The following SLC8A1 variants were observed in gnomAD, a reference collection of about 807,000 sequenced individuals.
SLC8A1 encodes solute carrier family 8 member A1, also known as sodium/calcium exchanger 1.
A neutral mutation model predicts 68.3 loss-of-function variants in SLC8A1; 18 were observed. The observed-to-expected ratio is 0.26, with a 90% CI of 0.18 to 0.39. The LOEUF (loss-of-function observed/expected upper bound fraction) is 0.39, where lower values mean the gene tolerates loss of function less well. Ranked by LOEUF, SLC8A1 falls within the 10% of genes least tolerant of loss-of-function variation. SLC8A1 has a pLI of 1.00. For missense variants in SLC8A1, 985 were observed against 1,156.7 expected (o/e 0.85, Z 2.15); for synonymous variants, 475 against 415.5 (o/e 1.14, Z -1.74).
At chr2:40,385,168 C>T (rs1021478480) in intron 2 of SLC8A1, among the ~76,000 whole-genome samples, 1 of 151,926 alleles carries the variant, frequency 6.6e-6, no homozygotes, top group Non-Finnish European at 1.5e-5. Flanking sequence ...TTGCTATCAC[C>T]TTTTTAAGAG....
chr2:40,209,007 ACTGTT>A (rs1404334758), intron 2 of SLC8A1: 1 of 152,150 alleles, frequency 6.6e-6, no homozygotes, highest in Non-Finnish European at 1.5e-5. Flanking sequence ...TATGCCAGAC[ACTGTT>A]CTGAGAACTA....
chr2:40,238,117 C>T (rs2060663800), intron 2 of SLC8A1, among the ~76,000 whole-genome samples: 1 of 152,250 alleles, frequency 6.6e-6, no homozygotes, highest in African/African-American at 2.4e-5. Flanking sequence ...CCTCCTTGAG[C>T]TGTGGTGGAC....
chr2:40,188,792 CCT>C (rs914865471), intron 2 of SLC8A1, among the ~76,000 whole-genome samples: 1 of 152,140 alleles, frequency 6.6e-6, no homozygotes, highest in African/African-American at 2.4e-5. Flanking sequence ...TCCCTCCTTC[CCT>C]CTCTGTGTCC....
At chr2:40,164,983 G>T (rs148845964) in exon 5 of SLC8A1, 17 of 1,613,692 alleles carry the variant, frequency 1.1e-5, no homozygotes, top group Non-Finnish European at 1.3e-5. Context: ...CATCATATTC[G>T]TCTGTGAAAC....
intron 2 of SLC8A1, among the ~76,000 whole-genome samples, chr2:40,348,988 T>A (rs1243377623): frequency 6.6e-6 from 1 of 152,188 alleles, no homozygotes; most frequent in Non-Finnish European, 1.5e-5. Context: ...TGGGCTTTTT[T>A]GAGAATCTGA....
At chr2:40,236,140 A>C (rs1457468647) in intron 2 of SLC8A1, among the ~76,000 whole-genome samples, 1 of 151,998 alleles carries the variant, frequency 6.6e-6, no homozygotes, top group Non-Finnish European at 1.5e-5. Context: ...GCTGAGTTCA[A>C]TTCCTGGGTA....
chr2:40,375,702 A>G (rs1024445291), intron 2 of SLC8A1, among the ~76,000 whole-genome samples: 1 of 152,120 alleles, frequency 6.6e-6, no homozygotes, highest in African/African-American at 2.4e-5. Flanking sequence ...CTTGACAACT[A>G]TATCAAGTTA....
At chr2:40,311,645 T>A (rs145014213) in intron 2 of SLC8A1, among the ~76,000 whole-genome samples, 23 of 152,248 alleles carry the variant, frequency 1.5e-4, no homozygotes, top group Admixed American at 1.2e-3. Flanking sequence ...GTATTGACAA[T>A]TGTATCCCCA....
In SLC8A1 at chr2:40,321,641, A is replaced by G. The variant is rs185774993; in HGVS notation, c.1808+106832T>C. On this transcript the variant is annotated intron_variant, in intron 2 of 7. Coordinates refer to ENST00000406785, the Ensembl canonical transcript of SLC8A1. ...CATCCTTCTTCACATGGTGGCATAAAGGAGAAGTGCCGAGTAAAAGCGGGA... is the reference window on the plus strand; with the variant it reads ...CATCCTTCTTCACATGGTGGCATAAGGGAGAAGTGCCGAGTAAAAGCGGGA... Among the ~76,000 whole-genome samples, 347 of 152,248 alleles carry G rather than the reference A, an allele frequency of 2.3e-3. 2 individuals are homozygous for G. The highest frequency in any genetic ancestry group is 6.8e-3 in the Middle Eastern group (2 of 292).
chr2:40,127,447 G>A (rs2038372514), intron 7 of SLC8A1, among the ~76,000 whole-genome samples: 1 of 152,086 alleles, frequency 6.6e-6, no homozygotes, highest in Non-Finnish European at 1.5e-5. Context: ...TAGTTTTGGG[G>A]TTCTGATTTG....
At chr2:40,325,250 C>A (rs2075677300) in intron 2 of SLC8A1, among the ~76,000 whole-genome samples, 2 of 152,150 alleles carry the variant, frequency 1.3e-5, no homozygotes, top group South Asian at 2.1e-4. Flanking sequence ...CATAACTCTG[C>A]CAGCCCTAGT....
upstream of SLC8A1, among the ~76,000 whole-genome samples, chr2:40,454,678 G>C (rs1200581830): frequency 2.6e-5 from 4 of 151,984 alleles, no homozygotes; most frequent in Non-Finnish European, 4.4e-5. Flanking sequence ...CATCCTTTTT[G>C]GTTCAGTCAG....
At chr2:40,476,531 G>C (rs1391092787) in intron 1 of SLC8A1, among the ~76,000 whole-genome samples, 1 of 152,212 alleles carries the variant, frequency 6.6e-6, no homozygotes, top group African/African-American at 2.4e-5. Context: ...CTTAGTGAAG[G>C]CGTCATTGAG....
At chr2:40,439,285 G>A (rs926278797) in intron 1 of SLC8A1, among the ~76,000 whole-genome samples, 4 of 152,104 alleles carry the variant, frequency 2.6e-5, no homozygotes, top group Non-Finnish European at 4.4e-5. Flanking sequence ...CAAAGACTTA[G>A]GATAAAGGGA....
intron 2 of SLC8A1, among the ~76,000 whole-genome samples, chr2:40,350,583 C>T (rs12988856): frequency 0.61 from 54,493 of 89,296 alleles, 13,293 homozygotes; most frequent in East Asian, 0.69. Flanking sequence ...CGCACCCAGA[C>T]AAGCAAAAAA....
At chr2:40,191,059 G>T (rs550148542) in intron 2 of SLC8A1, among the ~76,000 whole-genome samples, 2 of 152,228 alleles carry the variant, frequency 1.3e-5, no homozygotes, top group East Asian at 3.9e-4. Context: ...TAAGCTTGTA[G>T]GCATAGTTGA....
At chr2:40,158,058 A>G (rs1419529155) in intron 6 of SLC8A1, among the ~76,000 whole-genome samples, 4 of 152,184 alleles carry the variant, frequency 2.6e-5, no homozygotes, top group African/African-American at 9.6e-5. Context: ...CAAAATTATT[A>G]TTTTTGTTTA....
chr2:40,197,851 T>C (rs75168423), intron 2 of SLC8A1, among the ~76,000 whole-genome samples: 3,383 of 152,104 alleles, frequency 0.022, 75 homozygotes, highest in African/African-American at 0.049. Context: ...TGGTAGTATC[T>C]GTGAGGTTCA....
At chr2:40,163,157 G>A (rs970765831) in intron 5 of SLC8A1, among the ~76,000 whole-genome samples, 3 of 152,086 alleles carry the variant, frequency 2.0e-5, no homozygotes, top group East Asian at 1.9e-4. Flanking sequence ...AGAGACTTGG[G>A]GCACTTTCAA....
Sources: allele counts gnomAD v4.1 joint callset (sites outside exome capture counted in the v4.1 genomes callset), GRCh38; gene constraint gnomAD v4.1.1; transcripts MANE v1.5; gene names NCBI Gene and HGNC (gene_info 2026-07-23, HGNC 2026-07-21).